AGTPBP1: variants seen among roughly 807,000 people sequenced by gnomAD.
AGTPBP1 encodes cytosolic carboxypeptidase 1.
AGTPBP1 carries 70 observed loss-of-function variants against 143.9 expected under a neutral mutation model. The ratio of observed to expected loss-of-function variants is 0.49; its 90% CI spans 0.40 to 0.59. AGTPBP1 has a LOEUF of 0.59. AGTPBP1 is among the 20% of genes least tolerant of loss of function. The pLI is 0.00. For synonymous variants in AGTPBP1, 463 were observed against 500.2 expected, an observed-to-expected ratio of 0.93 and a Z score of 0.99; for missense variants, 1,229 against 1,464.5, an observed-to-expected ratio of 0.84 and a Z score of 2.62.
chr9:85,620,548 G>A (rs1474556826), intron 15 of AGTPBP1, among the ~76,000 whole-genome samples: 1 of 152,062 alleles, frequency 6.6e-6, no homozygotes, highest in Non-Finnish European at 1.5e-5. Context: ...TTTCTCATAT[G>A]AGAAGGCAGA....
At chr9:85,803,232 T>C in the AGTPBP1 span, among the ~76,000 whole-genome samples, 2 of 152,212 alleles carry the variant, frequency 1.3e-5, no homozygotes, top group Admixed American at 1.3e-4. Context: ...AATGTGGTCT[T>C]AAAGACCCTA....
At chr9:85,690,702 C>T (rs943223694) in intron 3 of AGTPBP1, among the ~76,000 whole-genome samples, 1 of 145,118 alleles carries the variant, frequency 6.9e-6, no homozygotes, top group African/African-American at 2.8e-5. Context: ...GGAGTATTTT[C>T]AGTGGTGGGA....
the AGTPBP1 span, among the ~76,000 whole-genome samples, chr9:85,755,121 T>C: frequency 1.3e-5 from 2 of 152,234 alleles, no homozygotes; most frequent in Non-Finnish European, 2.9e-5. Flanking sequence ...GAAGACCGAA[T>C]AACTATGCAT....
chr9:85,681,329 G>T lies in AGTPBP1; in HGVS notation c.164C>A (p.Thr55Lys). 6.2e-7 allele frequency: 1 copy of T among 1,610,808 alleles called. No individual in the cohort carries two copies. The highest frequency in any genetic ancestry group is 8.5e-7 in the Non-Finnish European group (1 of 1,179,302). ...ACCTTTGGCTGTCATTTCTCTCCTT[G>T]TTTTTTCTGAAAAGTAGCAAACAAT... ...ILHLAQSQEK[T>K]RREMTAKGST... Residue 55 changes from threonine (T) to lysine (K), a missense_variant, in exon 4 of 26, where the codon ACA becomes AAA. Physicochemically the swap from Thr to Lys is moderately conservative, Grantham distance 78 (BLOSUM62 -1). Transcript: ENST00000357081.
At chr9:85,706,527 GAAAGA>G (rs1837014485) in intron 2 of AGTPBP1, among the ~76,000 whole-genome samples, 3 of 139,072 alleles carry the variant, frequency 2.2e-5, no homozygotes, top group Admixed American at 7.2e-5. Flanking sequence ...AAAAAAAAAA[GAAAGA>G]AAAGAAAAGA....
Position 85,642,961 on chromosome 9 carries a change from G to T in AGTPBP1, c.1186-18C>A, listed in dbSNP as rs748716944. ...TCATCATTCTGAAATGATAAAAAGA[G>T]TATGTTATCAGGTAAAACAAAATTT... On this transcript the variant is annotated intron_variant, in intron 12 of 25. Transcript: ENST00000357081. 1.3e-6 allele frequency: 2 copies of T among 1,570,098 alleles called. No homozygotes were observed. Among genetic ancestry groups the T allele is most frequent in the South Asian group, 1.1e-5 (1 of 87,716 alleles).
chr9:85,732,928 A>C (rs1219542363), intron 1 of AGTPBP1, among the ~76,000 whole-genome samples: 2 of 152,208 alleles, frequency 1.3e-5, no homozygotes, highest in Non-Finnish European at 2.9e-5. Context: ...CAAGAAGATA[A>C]AACAATTATA....
At chr9:85,787,788 G>A in the AGTPBP1 span, 1 of 152,136 alleles carries the variant, frequency 6.6e-6, no homozygotes, top group African/African-American at 2.4e-5. Flanking sequence ...ATGTTTGGTT[G>A]GGGGCTGTAG....
chr9:85,680,005 C>G (rs1220437637), intron 4 of AGTPBP1, among the ~76,000 whole-genome samples: 1 of 151,980 alleles, frequency 6.6e-6, no homozygotes, highest in African/African-American at 2.4e-5. Flanking sequence ...TCAATGTTAC[C>G]TTTTTCCACA....
chr9:85,690,821 G>A, intron 3 of AGTPBP1, among the ~76,000 whole-genome samples: 1 of 150,950 alleles, frequency 6.6e-6, no homozygotes, highest in Non-Finnish European at 1.5e-5. Flanking sequence ...GTGGTAAGAG[G>A]GTCATTCTCT....
chr9:85,645,347 T>C (rs976298769), intron 12 of AGTPBP1, among the ~76,000 whole-genome samples: 2 of 152,134 alleles, frequency 1.3e-5, no homozygotes, highest in Non-Finnish European at 2.9e-5. Flanking sequence ...GTCAATGTTA[T>C]AAGACAAAGA....
intron 2 of AGTPBP1, 88 bp downstream of exon 2, chr9:85,712,414 T>G: frequency 1.6e-6 from 1 of 630,076 alleles, no homozygotes; most frequent in Non-Finnish European, 2.6e-6. Flanking sequence ...TAAACACAAA[T>G]AATACTTTGT....
intron 2 of AGTPBP1, among the ~76,000 whole-genome samples, chr9:85,711,102 C>A (rs897693232): frequency 1.3e-5 from 2 of 152,126 alleles, no homozygotes; most frequent in Non-Finnish European, 2.9e-5. Flanking sequence ...AAGTTATATA[C>A]ACGTAAACAT....
At chr9:85,653,149 G>C (rs1345080054) in intron 11 of AGTPBP1, among the ~76,000 whole-genome samples, 11 of 151,406 alleles carry the variant, frequency 7.3e-5, no homozygotes, top group Admixed American at 7.2e-4. Flanking sequence ...AGGGCATGTA[G>C]TCCCAGCTAC....
the AGTPBP1 span, among the ~76,000 whole-genome samples, chr9:85,788,532 A>C: frequency 3.3e-5 from 5 of 150,052 alleles, no homozygotes; most frequent in Admixed American, 3.3e-4. Context: ...TGATCTTACA[A>C]GGAACTTATA....
At chr9:85,604,954 G>T (rs1047014034) in intron 17 of AGTPBP1, among the ~76,000 whole-genome samples, 22 of 152,136 alleles carry the variant, frequency 1.4e-4, no homozygotes, top group African/African-American at 5.3e-4. Context: ...AGAAAAAAAA[G>T]AATAAAATGA....
chr9:85,726,563 A>G (rs995238160), intron 1 of AGTPBP1, among the ~76,000 whole-genome samples: 22 of 152,268 alleles, frequency 1.4e-4, no homozygotes, highest in Admixed American at 2.0e-4. Flanking sequence ...TAGTGCATCA[A>G]GAGACATAAA....
At chr9:85,701,062 C>A (rs62569259) in intron 2 of AGTPBP1, among the ~76,000 whole-genome samples, 2,555 of 151,988 alleles carry the variant, frequency 0.017, 26 homozygotes, top group Middle Eastern at 0.055. Flanking sequence ...GGATTACAGG[C>A]ATGTGCCACC....
intron 13 of AGTPBP1, among the ~76,000 whole-genome samples, chr9:85,634,241 A>G (rs1235073042): frequency 6.6e-6 from 1 of 151,604 alleles, no homozygotes; most frequent in Non-Finnish European, 1.5e-5. Flanking sequence ...GCAGGATGTA[A>G]TGTGGATTGG....
Sources: gnomAD v4.1 joint callset for allele counts (sites outside exome capture counted in the v4.1 genomes callset) on GRCh38, gnomAD v4.1.1 for gene constraint, MANE v1.5 for transcripts, NCBI Gene and HGNC (gene_info 2026-07-23, HGNC 2026-07-21) for gene names.